MED4: variants seen among roughly 807,000 people sequenced by gnomAD.
MED4 encodes mediator complex subunit 4, also known as mediator of RNA polymerase II transcription subunit 4.
A neutral mutation model predicts 35.0 loss-of-function variants in MED4; 21 were observed. The observed-to-expected ratio is 0.60, with a 90% CI of 0.43 to 0.86. MED4 has a LOEUF of 0.86. Ranked by LOEUF, MED4 falls within the 40% of genes least tolerant of loss-of-function variation. MED4 has a pLI of 0.00. For synonymous variants in MED4, 138 were observed against 114.0 expected (o/e 1.21, Z -1.34); for missense variants, 300 against 319.4 (o/e 0.94, Z 0.46).
At chr13:48,094,367 C>T (rs768555090) in intron 1 of MED4, among the ~76,000 whole-genome samples, 8 of 152,160 alleles carry the variant, frequency 5.3e-5, no homozygotes, top group Non-Finnish European at 1.0e-4. Flanking sequence ...CATCTAATTT[C>T]ATCTCCTATC....
chr13:48,079,788 T>C, intron 6 of MED4, 56 bp downstream of exon 6: 1 of 1,577,784 alleles, frequency 6.3e-7, no homozygotes, highest in East Asian at 2.3e-5. Context: ...TATTCCAACC[T>C]TGTCATCTCT....
At chr13:48,078,454 G>A (rs2182375) in intron 6 of MED4, among the ~76,000 whole-genome samples, 137,592 of 152,224 alleles carry the variant, frequency 0.9, 62,272 homozygotes, top group East Asian at 0.98. Flanking sequence ...AGCAACTTTC[G>A]GTGGCGCCTC....
intron 6 of MED4, among the ~76,000 whole-genome samples, chr13:48,078,904 T>C (rs975347707): frequency 1.3e-5 from 2 of 152,094 alleles, no homozygotes; most frequent in Non-Finnish European, 2.9e-5. Context: ...AAAAAATGTA[T>C]AGGGGAAAAA....
intron 4 of MED4, among the ~76,000 whole-genome samples, chr13:48,081,976 A>G (rs1950811650): frequency 6.6e-6 from 1 of 152,234 alleles, no homozygotes; most frequent in African/African-American, 2.4e-5. Flanking sequence ...ATAGCACTCA[A>G]TAATCTCAAT....
chr13:48,088,337 A>T (rs949861687), intron 2 of MED4, among the ~76,000 whole-genome samples: 11 of 152,346 alleles, frequency 7.2e-5, no homozygotes, highest in African/African-American at 2.6e-4. Flanking sequence ...TTTTGACATG[A>T]AGTTCTTCTC....
At chr13:48,081,879 C>T (rs2137830738) in intron 4 of MED4, 148 bp from the exon 5 acceptor site, 2 of 481,236 alleles carry the variant, frequency 4.2e-6, no homozygotes, top group Admixed American at 4.2e-5. Flanking sequence ...ACAATACCTA[C>T]ATGTTTAGTA....
chr13:48,077,981 T>C (rs1950774556), intron 6 of MED4, among the ~76,000 whole-genome samples: 1 of 152,278 alleles, frequency 6.6e-6, no homozygotes, highest in African/African-American at 2.4e-5. Context: ...AAACAAGTAA[T>C]AGGTACTTTA....
intron 2 of MED4, 120 bp downstream of exon 2, chr13:48,090,232 G>T: frequency 2.7e-6 from 2 of 736,432 alleles, no homozygotes; most frequent in African/African-American, 1.8e-5. Flanking sequence ...AACTTAAAAG[G>T]ATCCAACATT....
intron 1 of MED4, among the ~76,000 whole-genome samples, chr13:48,092,899 G>A (rs969061491): frequency 1.3e-5 from 2 of 152,140 alleles, no homozygotes; most frequent in African/African-American, 4.8e-5. Flanking sequence ...TCCACAGAAG[G>A]CTTTACAAGG....
chr13:48,093,566 G>A (rs1340130393), intron 1 of MED4: 1 of 470,206 alleles, frequency 2.1e-6, no homozygotes, highest in South Asian at 1.6e-5. Context: ...GAACACATGA[G>A]ACCTTTCTGG....
intron 1 of MED4, among the ~76,000 whole-genome samples, chr13:48,092,699 C>G (rs992832200): frequency 1.3e-5 from 2 of 152,192 alleles, no homozygotes; most frequent in African/African-American, 4.8e-5. Context: ...GATGGATCAA[C>G]AGCGTATGAA....
At chr13:48,085,761 T>G (rs1436558745) in intron 3 of MED4, among the ~76,000 whole-genome samples, 1 of 152,206 alleles carries the variant, frequency 6.6e-6, no homozygotes, top group Non-Finnish European at 1.5e-5. Context: ...TTTGAAATAG[T>G]AGCCAAGAAC....
chr13:48,079,923 C>T lies in MED4; in HGVS notation c.561G>A (p.Leu187=), dbSNP rs146587688. Residue 187 remains leucine, a synonymous_variant, in exon 6 of 7, where the codon CTG becomes CTA. Transcript: ENST00000258648. ...TAGTGGAAGGATTGTTCATCTGACC[C>T]AGTAACCCACTTCTCATCTCTAAAT... ...PTDLEMRSGL[L]GQMNNPSTNG... The T allele has an allele frequency of 2.4e-3, 3,938 of 1,613,908 alleles. 9 individuals carry two copies. The highest frequency in any genetic ancestry group is 2.8e-3 in the Non-Finnish European group (3,294 of 1,179,848).
chr13:48,090,460 C>A, intron 1 of MED4, 42 bp from the exon 2 acceptor site: 2 of 1,477,860 alleles, frequency 1.4e-6, no homozygotes, highest in East Asian at 2.3e-5. Context: ...CCTTTCACAG[C>A]ATACTGAACA....
intron 5 of MED4, among the ~76,000 whole-genome samples, chr13:48,080,248 T>C (rs1391449727): frequency 6.6e-6 from 1 of 151,302 alleles, no homozygotes; most frequent in Admixed American, 6.6e-5. Context: ...AATAAGAAAA[T>C]TAGTCAGGCG....
rs191851209 is a variant in MED4, at chr13:48,091,271, T to C, written c.126-853A>G. Among the ~76,000 whole-genome samples, 481 of 152,322 alleles carry C rather than the reference T, an allele frequency of 3.2e-3. 5 individuals carry two copies. Among genetic ancestry groups the C allele is most frequent in the African/African-American group, 0.011 (458 of 41,578 alleles). ...TAATAAATATGACAATTTCCCTGTATGAAAATTAGTATCTGATGAGCAAAA... is the reference window on the plus strand; with the variant it reads ...TAATAAATATGACAATTTCCCTGTACGAAAATTAGTATCTGATGAGCAAAA... On this transcript the variant is annotated intron_variant, in intron 1 of 6. Transcript: ENST00000258648.
intron 1 of MED4, among the ~76,000 whole-genome samples, chr13:48,092,002 C>A (rs7990099): frequency 6.6e-6 from 1 of 152,182 alleles, no homozygotes; most frequent in African/African-American, 2.4e-5. Context: ...CAGGGCCTGG[C>A]ACAATGGGGA....
chr13:48,087,505 T>C (rs972315609), intron 2 of MED4, among the ~76,000 whole-genome samples: 2 of 152,002 alleles, frequency 1.3e-5, no homozygotes, highest in Admixed American at 1.3e-4. Flanking sequence ...ACTGAGACAC[T>C]GAAACTCTGA....
rs1017406339 is a variant in MED4 at position 48,076,388 on chromosome 13, C to T, written c.*751G>A. The T allele has an allele frequency of 1.3e-5, 2 of 151,994 alleles. No homozygotes were observed. Among genetic ancestry groups the T allele is most frequent in the Non-Finnish European group, 2.9e-5 (2 of 67,954 alleles). 9.4% of individuals were successfully genotyped at this position (151,994 alleles called of 1,614,324 possible). ...CACACAATCTATTCTTAAAATCAGA[C>T]AAGGCTGTGGTAAATTTTTTCAATT... On this transcript the variant is annotated 3_prime_UTR_variant, in exon 7 of 7. Coordinates refer to ENST00000258648, the MANE Select transcript of MED4 (RefSeq NM_014166.4).
Sources: gnomAD v4.1 joint callset for allele counts (sites outside exome capture counted in the v4.1 genomes callset) on GRCh38, gnomAD v4.1.1 for gene constraint, MANE v1.5 for transcripts, NCBI Gene and HGNC (gene_info 2026-07-23, HGNC 2026-07-21) for gene names.